ATP8A1: variants seen among roughly 807,000 people sequenced by gnomAD.
The protein encoded by ATP8A1 is ATPase phospholipid transporting 8A1.
Under a neutral mutation model 177.7 loss-of-function variants are expected in ATP8A1, and 90 were observed. The observed-to-expected ratio is 0.51, with a 90% CI of 0.43 to 0.60. The LOEUF (loss-of-function observed/expected upper bound fraction) is 0.60, where lower values mean the gene tolerates loss of function less well. ATP8A1 is among the 20% of genes least tolerant of loss of function. The probability of loss-of-function intolerance (pLI) is 0.00; values close to 1 mark genes in which losing one functional copy is unlikely to be tolerated. For synonymous variants in ATP8A1, 493 were observed against 485.9 expected, an observed-to-expected ratio of 1.01 and a Z score of -0.19; for missense variants, 1,072 against 1,392.8, an observed-to-expected ratio of 0.77 and a Z score of 3.67.
intron 1 of ATP8A1, among the ~76,000 whole-genome samples, chr4:42,655,663 A>C (rs1741542066): frequency 6.6e-6 from 1 of 152,200 alleles, no homozygotes; most frequent in Non-Finnish European, 1.5e-5. Flanking sequence ...CCAGTTTTGA[A>C]TCTTGCTTCG....
At chr4:42,435,556 A>G (rs1226927440) in intron 33 of ATP8A1, among the ~76,000 whole-genome samples, 2 of 152,102 alleles carry the variant, frequency 1.3e-5, no homozygotes, top group African/African-American at 2.4e-5. Flanking sequence ...TCATTCAAAC[A>G]AAAACTGTGG....
Position 42,409,570 on chromosome 4 carries a change from T to C in ATP8A1, c.*3346A>G, listed in dbSNP as rs2153164249. On this transcript the variant is annotated 3_prime_UTR_variant, in exon 37 of 37. Coordinates refer to ENST00000381668, the MANE Select transcript of ATP8A1 (RefSeq NM_006095.2). Reference sequence around the variant, plus strand: ...CTCCATAAATTTTGTAGATGACTATTTGTAAGATTATACACTTAATAGGTT... The same window carrying C: ...CTCCATAAATTTTGTAGATGACTATCTGTAAGATTATACACTTAATAGGTT... The C allele has an allele frequency of 6.6e-6, 1 of 152,312 alleles. No homozygotes were observed. The highest frequency in any genetic ancestry group is 2.1e-4 in the South Asian group (1 of 4,830). 9.4% of individuals were successfully genotyped at this position (152,312 alleles called of 1,614,324 possible).
At chr4:42,595,778 A>G (rs1346245615) in intron 6 of ATP8A1, among the ~76,000 whole-genome samples, 1 of 152,216 alleles carries the variant, frequency 6.6e-6, no homozygotes, top group Admixed American at 6.5e-5. Context: ...CGTCCTCTAC[A>G]CTATCGTGTT....
chr4:42,524,335 T>C (rs1398016806), intron 21 of ATP8A1, among the ~76,000 whole-genome samples: 1 of 152,192 alleles, frequency 6.6e-6, no homozygotes, highest in Non-Finnish European at 1.5e-5. Flanking sequence ...AAGTTTTTAA[T>C]AGAAAGTCCT....
At chr4:42,455,638 A>G in intron 27 of ATP8A1, 39 bp from the exon 28 acceptor site, 1 of 1,585,970 alleles carries the variant, frequency 6.3e-7, no homozygotes, top group Non-Finnish European at 8.6e-7. Flanking sequence ...TTAGAATACA[A>G]AAGCATAAAT....
At chr4:42,556,243 T>G in intron 15 of ATP8A1, 1 of 397,330 alleles carries the variant, frequency 2.5e-6, no homozygotes, top group Non-Finnish European at 4.5e-6. Flanking sequence ...ATGTGAAAGA[T>G]GTTTGCAGTG....
rs1726183470 is a variant in ATP8A1, at chr4:42,522,058, A to G, written c.1947+102T>C. 6 of 1,298,634 alleles carry G rather than the reference A, an allele frequency of 4.6e-6. No homozygotes were observed. The South Asian group carries it at 8.8e-5, about 19-fold the overall frequency. 80.4% of individuals were successfully genotyped at this position (1,298,634 alleles called of 1,614,324 possible). On this transcript the variant is annotated intron_variant, in intron 22 of 36. Transcript: ENST00000381668. ...GAGAGGGTATTCAATAGTGAATGGT[A>G]TGTCAAGATATTTTGATTTTTATTC...
At chr4:42,587,978 A>G (rs1266096025) in intron 8 of ATP8A1, among the ~76,000 whole-genome samples, 1 of 152,236 alleles carries the variant, frequency 6.6e-6, no homozygotes, top group Non-Finnish European at 1.5e-5. Context: ...AAGTTAAAAC[A>G]TATCAAAGCA....
chr4:42,631,759 T>C (rs1738759954), intron 1 of ATP8A1, among the ~76,000 whole-genome samples: 2 of 152,296 alleles, frequency 1.3e-5, no homozygotes, highest in African/African-American at 4.8e-5. Context: ...AATCTTCCAA[T>C]GGGATTACCA....
intron 1 of ATP8A1, among the ~76,000 whole-genome samples, chr4:42,645,698 T>G (rs1740457833): frequency 6.6e-6 from 1 of 152,210 alleles, no homozygotes; most frequent in Non-Finnish European, 1.5e-5. Context: ...GACACACTTT[T>G]CATTAAAGAT....
intron 24 of ATP8A1, among the ~76,000 whole-genome samples, chr4:42,501,612 T>C (rs1723862213): frequency 6.6e-6 from 1 of 152,272 alleles, no homozygotes; most frequent in Admixed American, 6.5e-5. Flanking sequence ...ATCAGTACAA[T>C]TTGAACACAG....
rs757180900 is a variant in ATP8A1 at position 42,423,661 on chromosome 4, T to A, written c.3168A>T (p.Leu1056Phe). The change falls in exon 34 of 37, where the codon TTA becomes TTT. Residue 1056 changes from leucine (L) to phenylalanine (F), a missense_variant. Coordinates refer to ENST00000381668, the MANE Select transcript of ATP8A1 (RefSeq NM_006095.2). ...FSSGVFWMGL[L>F]FIPVASLLLD... ...GGAGCAGAGATGCCACAGGGATGAA[T>A]AACAAGCCCATCCAAAAGACTCCAG... 11 of 1,612,884 alleles carry A rather than the reference T, an allele frequency of 6.8e-6. No individual in the cohort carries two copies. In the South Asian group the frequency reaches 9.9e-5, roughly 15 times the overall value.
At chr4:42,435,450 C>A (rs28620648) in intron 33 of ATP8A1, among the ~76,000 whole-genome samples, 12,845 of 110,966 alleles carry the variant, frequency 0.12, 1,005 homozygotes, top group Non-Finnish European at 0.13. Flanking sequence ...AAAAAAAAAA[C>A]AAAAAAAAAA....
chr4:42,486,324 A>C (rs1722198056), intron 24 of ATP8A1, among the ~76,000 whole-genome samples: 1 of 152,188 alleles, frequency 6.6e-6, no homozygotes. Flanking sequence ...AGGAAGAGGA[A>C]CAGGCTATGA....
intron 33 of ATP8A1, among the ~76,000 whole-genome samples, chr4:42,426,194 G>A (rs150813157): frequency 3.9e-5 from 6 of 152,312 alleles, no homozygotes; most frequent in East Asian, 3.9e-4. Flanking sequence ...GACCCACAAC[G>A]GCATGATCTG....
intron 22 of ATP8A1, among the ~76,000 whole-genome samples, chr4:42,508,793 A>G (rs573861477): frequency 6.6e-6 from 1 of 152,282 alleles, no homozygotes; most frequent in South Asian, 2.1e-4. Context: ...TCCATTTAAA[A>G]TATAGGTGAG....
At chr4:42,570,694 CCT>C (rs1157071412) in intron 14 of ATP8A1, among the ~76,000 whole-genome samples, 2 of 152,218 alleles carry the variant, frequency 1.3e-5, no homozygotes, top group Admixed American at 1.3e-4. Context: ...TGCAAGTTTC[CCT>C]GTTATTGCTG....
chr4:42,522,279 C>A lies in ATP8A1; in HGVS notation c.1828G>T (p.Ala610Ser). Residue 610 changes from alanine (A) to serine (S), a missense_variant, in exon 22 of 37, where the codon GCT (alanine) becomes TCT (serine). This residue lies in a region of ATP8A1 where 388 missense variants were observed against 471.7 expected (regional missense o/e 0.82). Transcript: ENST00000381668. The stretch of plus-strand genomic sequence containing the variant: ...TCGCTCTCTGAAATCTCAGCCACAG[C>A]AAAACATAAAGTTCTTAACCCTGAA... ...ATEGLRTLCF[A>S]VAEISESDFQ... 6.2e-7 allele frequency: 1 copy of A among 1,613,666 alleles called. No homozygotes were observed. Among genetic ancestry groups the A allele is most frequent in the East Asian group, 2.2e-5 (1 of 44,836 alleles).
chr4:42,518,895 A>C (rs1261541169), intron 22 of ATP8A1, among the ~76,000 whole-genome samples: 1 of 152,170 alleles, frequency 6.6e-6, no homozygotes, highest in Non-Finnish European at 1.5e-5. Context: ...GAGTGGTTTT[A>C]ATGGCAGTAA....
Sources: allele counts gnomAD v4.1 joint callset (sites outside exome capture counted in the v4.1 genomes callset), GRCh38; gene constraint gnomAD v4.1.1; regional missense constraint gnomAD v4.1.1; transcripts MANE v1.5; gene names NCBI Gene and HGNC (gene_info 2026-07-23, HGNC 2026-07-21).